The following VCAN variants were observed in gnomAD, a reference collection of about 807,000 sequenced individuals.
VCAN encodes the protein versican.
In VCAN, 44 loss-of-function variants were observed where a neutral mutation model predicts 245.5. The ratio of observed to expected loss-of-function variants is 0.18; its 90% CI spans 0.14 to 0.23. VCAN has a LOEUF of 0.23. VCAN is among the 10% of genes least tolerant of loss of function. The pLI is 1.00. For synonymous variants in VCAN, 1,413 were observed against 1,437.0 expected (o/e 0.98, Z 0.38); for missense variants, 3,793 against 4,057.9 (o/e 0.93, Z 1.77).
Position 83,541,954 on chromosome 5 carries a change from A to T in VCAN, c.8951A>T (p.Tyr2984Phe), listed in dbSNP as rs756520143. The change falls in exon 8 of 15, where the codon TAT (tyrosine) becomes TTT (phenylalanine). Residue 2984 changes from tyrosine (Y) to phenylalanine (F), a missense_variant. By Grantham distance (22) the Tyr-to-Phe change is conservative (BLOSUM62 3). This residue lies in a region of VCAN where 3,182 missense variants were observed against 3,250.3 expected (regional missense o/e 0.98). Coordinates refer to ENST00000265077, the MANE Select transcript of VCAN (RefSeq NM_004385.5). ...CACTCTACTTCTGCTTCTGCCACCT[A>T]TGGGGTCGAGGCAGGTGTGGTGCCT... ...WPHSTSASAT[Y>F]GVEAGVVPWL... 4 of 1,613,880 alleles carry T rather than the reference A, an allele frequency of 2.5e-6. No homozygotes were observed. The highest frequency in any genetic ancestry group is 1.7e-6 in the Non-Finnish European group (2 of 1,179,964).
rs1745053668 is a variant in VCAN at position 83,493,596 on chromosome 5, G to A, written c.496G>A (p.Glu166Lys). The A allele has an allele frequency of 6.2e-7, 1 of 1,613,976 alleles. No homozygotes were observed. The part of the protein sequence containing the change: ...AATSRYTLNF[E>K]AAQKACLDVG... ...AACCAGCAGGTACACACTGAATTTT[G>A]AGGCTGCTCAGAAGGCTTGTTTGGA... The change falls in exon 4 of 15, where the codon GAG (glutamate) becomes AAG (lysine). Residue 166 changes from glutamate to lysine, a missense_variant. Physicochemically the swap from Glu to Lys is moderately conservative, Grantham distance 56. This residue lies in a region of VCAN where 190 missense variants were observed against 288.6 expected (regional missense o/e 0.66). Transcript: ENST00000265077.
intron 7 of VCAN, among the ~76,000 whole-genome samples, chr5:83,524,577 TACC>T: frequency 6.7e-6 from 1 of 149,066 alleles, no homozygotes; most frequent in African/African-American, 2.5e-5. Context: ...CCTACCTACC[TACC>T]TACCTGTCAT....
chr5:83,529,985 C>G (rs1163896474), intron 7 of VCAN, among the ~76,000 whole-genome samples: 1 of 152,078 alleles, frequency 6.6e-6, no homozygotes, highest in Non-Finnish European at 1.5e-5. Flanking sequence ...CCACAAGAAG[C>G]CAAGTATAAT....
In VCAN at chr5:83,540,356, C is replaced by G. The variant is rs1746920898; in HGVS notation, c.7353C>G (p.Thr2451=). Residue 2451 remains threonine, a synonymous_variant, in exon 8 of 15, where the codon ACC becomes ACG. Transcript: ENST00000265077. ...ACACTTCTGCAACTACTCAGGCAAC[C>G]AGACAAGAAAGCAGCACCACATTTG... The part of the protein sequence containing the change: ...SFHTSATTQA[T]RQESSTTFVS... 1 of 1,613,872 alleles carries G rather than the reference C, an allele frequency of 6.2e-7. No individual in the cohort carries two copies. Among genetic ancestry groups the G allele is most frequent in the Non-Finnish European group, 8.5e-7 (1 of 1,179,970 alleles).
intron 13 of VCAN, among the ~76,000 whole-genome samples, chr5:83,577,246 T>C (rs1748519989): frequency 1.3e-5 from 2 of 152,132 alleles, no homozygotes; most frequent in South Asian, 4.1e-4. Flanking sequence ...GTTCCTCAAA[T>C]CTTATCATGA....
intron 10 of VCAN, among the ~76,000 whole-genome samples, chr5:83,552,446 C>T (rs1284328829): frequency 6.6e-6 from 1 of 152,118 alleles, no homozygotes; most frequent in Non-Finnish European, 1.5e-5. Flanking sequence ...GTCAACCCCA[C>T]CTGTGGATGA....
rs1355130405 is a variant in VCAN, at chr5:83,538,761, G to C, written c.5758G>C (p.Glu1920Gln). ...ATTAGGAGAACCAAATTATGGGGCA[G>C]AAATAAGGGGCTTTTCCACAGGTTT... ...ERLGEPNYGA[E>Q]IRGFSTGFPL... Residue 1920 changes from glutamate (E) to glutamine (Q), a missense_variant, in exon 8 of 15, where the codon GAA becomes CAA. Glu to Gln is a conservative substitution (Grantham distance 29). Around this residue, in one of 5 missense-constraint regions of VCAN, gnomAD observed 3,182 missense variants for 3,250.3 expected, o/e 0.98. Coordinates refer to ENST00000265077, the MANE Select transcript of VCAN (RefSeq NM_004385.5). The C allele has an allele frequency of 6.2e-7, 1 of 1,614,014 alleles. No individual in the cohort carries two copies. The highest frequency in any genetic ancestry group is 2.2e-5 in the East Asian group (1 of 44,878).
intron 2 of VCAN, among the ~76,000 whole-genome samples, chr5:83,488,684 G>A (rs1353243638): frequency 6.6e-6 from 1 of 152,112 alleles, no homozygotes; most frequent in African/African-American, 2.4e-5. Context: ...ACTTCACTTT[G>A]TTTTTATTTA....
chr5:83,560,971 A>T (rs148553070), intron 12 of VCAN, among the ~76,000 whole-genome samples: 48 of 152,318 alleles, frequency 3.2e-4, no homozygotes, highest in African/African-American at 1.1e-3. Flanking sequence ...CGAGGACTGA[A>T]TAAAACTGAC....
chr5:83,550,480 T>C (rs1323307582), intron 10 of VCAN, among the ~76,000 whole-genome samples: 2 of 152,212 alleles, frequency 1.3e-5, no homozygotes, highest in African/African-American at 4.8e-5. Context: ...TAGGTAAGGT[T>C]GAAAAAACAA....
intron 7 of VCAN, among the ~76,000 whole-genome samples, chr5:83,532,295 ATAAAC>A (rs1746554245): frequency 6.6e-6 from 1 of 152,100 alleles, no homozygotes; most frequent in South Asian, 2.1e-4. Flanking sequence ...CAGAGGAAGA[ATAAAC>A]TAAGAGGGGG....
At chr5:83,507,656 A>G (rs184181280) in intron 5 of VCAN, among the ~76,000 whole-genome samples, 1 of 152,338 alleles carries the variant, frequency 6.6e-6, no homozygotes, top group East Asian at 1.9e-4. Flanking sequence ...GCCTCTAGGC[A>G]TTAGATGTTA....
chr5:83,556,773 A>G (rs1451845453), intron 12 of VCAN, among the ~76,000 whole-genome samples: 3 of 152,150 alleles, frequency 2.0e-5, no homozygotes, highest in African/African-American at 7.2e-5. Context: ...TATTAATTTA[A>G]TTTCTAAGTG....
intron 13 of VCAN, among the ~76,000 whole-genome samples, chr5:83,577,457 C>T (rs1201081195): frequency 6.6e-6 from 1 of 152,106 alleles, no homozygotes; most frequent in African/African-American, 2.4e-5. Context: ...TGAGGAGTTG[C>T]CCTCCCTTCT....
rs1314236321 is a variant in VCAN, at chr5:83,581,096, T to A, written c.*662T>A. The A allele has an allele frequency of 2.0e-5, 3 of 153,818 alleles. No homozygotes were observed. Among genetic ancestry groups the A allele is most frequent in the African/African-American group, 7.2e-5 (3 of 41,440 alleles). 9.5% of individuals were successfully genotyped at this position (153,818 alleles called of 1,614,324 possible). ...ACTAAGGACTCCAATGTCGAACTCT[T>A]CTTTGCTGCATTCCTTTTTCTTCAC... On this transcript the variant is annotated 3_prime_UTR_variant, in exon 15 of 15. Coordinates refer to ENST00000265077, the MANE Select transcript of VCAN (RefSeq NM_004385.5).
intron 6 of VCAN, among the ~76,000 whole-genome samples, chr5:83,514,387 C>T (rs1745771984): frequency 6.6e-6 from 1 of 151,256 alleles, no homozygotes; most frequent in South Asian, 2.1e-4. Context: ...AATAGTTTTC[C>T]AAAATTTCTA....
At chr5:83,525,473 T>C (rs916036188) in intron 7 of VCAN, among the ~76,000 whole-genome samples, 2 of 152,210 alleles carry the variant, frequency 1.3e-5, no homozygotes, top group African/African-American at 4.8e-5. Context: ...TGAATGTTTT[T>C]AAAAACTGAC....
At chr5:83,534,840 C>CA (rs1469335279) in intron 7 of VCAN, among the ~76,000 whole-genome samples, 1 of 152,056 alleles carries the variant, frequency 6.6e-6, no homozygotes, top group African/African-American at 2.4e-5. Context: ...ATAGTTTAAA[C>CA]ATTTTCTTCA....
chr5:83,498,292 T>C, intron 5 of VCAN, among the ~76,000 whole-genome samples: 1 of 152,232 alleles, frequency 6.6e-6, no homozygotes, highest in East Asian at 1.9e-4. Context: ...TATTTGCTTA[T>C]ACTTCTTTCT....
Sources: gnomAD v4.1 joint callset for allele counts (sites outside exome capture counted in the v4.1 genomes callset) on GRCh38, gnomAD v4.1.1 for gene constraint, gnomAD v4.1.1 regional missense constraint, MANE v1.5 for transcripts, NCBI Gene and HGNC (gene_info 2026-07-23, HGNC 2026-07-21) for gene names.